Variants in UBXN7 observed in about 807,000 individuals in gnomAD.
The protein encoded by UBXN7 is UBX domain-containing protein 7.
Under a neutral mutation model 58.0 loss-of-function variants are expected in UBXN7, and 9 were observed. That is an observed-to-expected ratio of 0.16 (90% CI 0.09 to 0.27). The LOEUF (loss-of-function observed/expected upper bound fraction) is 0.27, where lower values mean the gene tolerates loss of function less well. Among genes scored for constraint, UBXN7 ranks in the 10% least tolerant of loss-of-function variants. The pLI, the probability that UBXN7 is intolerant of heterozygous loss-of-function variation, is 1.00. For synonymous variants in UBXN7, 208 were observed against 205.0 expected, an observed-to-expected ratio of 1.01 and a Z score of -0.12; for missense variants, 328 against 599.6, an observed-to-expected ratio of 0.55 and a Z score of 4.73.
rs1209587580 is a variant in UBXN7, at chr3:196,402,944, G to C, written c.289+8C>G. On this transcript the variant is annotated splice_region_variant and intron_variant, in intron 3 of 10. Transcript: ENST00000296328. ...TCAAATAAGGCTAAGGGAAAAAAGT[G>C]AACTTACCACCAAATAATGGTTCTG... is the stretch of plus-strand genomic sequence containing the variant. The C allele has an allele frequency of 6.3e-7, 1 of 1,591,696 alleles. No individual in the cohort carries two copies. Among genetic ancestry groups the C allele is most frequent in the South Asian group, 1.2e-5 (1 of 85,704 alleles).
intron 1 of UBXN7, among the ~76,000 whole-genome samples, chr3:196,415,768 G>A (rs868070596): frequency 1.6e-4 from 24 of 149,376 alleles, no homozygotes; most frequent in Admixed American, 2.0e-4. Context: ...GTGACAGAGC[G>A]AGACTTCATC....
In UBXN7 at chr3:196,356,553, T is replaced by C. The variant is rs780180814; in HGVS notation, c.*132A>G. Reference sequence around the variant, plus strand: ...ACTGATTATAGGAGAGATCAAGAAATAAGAGAAGGAAGGTGACTTGCTTGC... The same window carrying C: ...ACTGATTATAGGAGAGATCAAGAAACAAGAGAAGGAAGGTGACTTGCTTGC... On this transcript the variant is annotated 3_prime_UTR_variant, in exon 11 of 11. Coordinates refer to ENST00000296328, the MANE Select transcript of UBXN7 (RefSeq NM_015562.2). 127 of 927,310 alleles carry C rather than the reference T, an allele frequency of 1.4e-4. No individual in the cohort carries two copies. Among genetic ancestry groups the C allele is most frequent in the Non-Finnish European group, 2.0e-4 (125 of 624,992 alleles). 57.4% of individuals were successfully genotyped at this position (927,310 alleles called of 1,614,324 possible). A position where few individuals can be genotyped will look rare whatever the true frequency, so the allele number is the denominator to read the frequency against.
chr3:196,388,036 A>T (rs1487424881), intron 5 of UBXN7, among the ~76,000 whole-genome samples: 1 of 152,200 alleles, frequency 6.6e-6, no homozygotes, highest in East Asian at 1.9e-4. Context: ...AAGACTTGGA[A>T]CCAACCCAAA....
At chr3:196,380,882 C>T (rs1039496331) in intron 5 of UBXN7, among the ~76,000 whole-genome samples, 4 of 152,232 alleles carry the variant, frequency 2.6e-5, no homozygotes, top group Non-Finnish European at 4.4e-5. Context: ...TCACTGCCAG[C>T]GCAGCAGTCA....
chr3:196,387,816 G>A (rs1235857287), intron 5 of UBXN7, among the ~76,000 whole-genome samples: 2 of 152,172 alleles, frequency 1.3e-5, no homozygotes, highest in Non-Finnish European at 2.9e-5. Flanking sequence ...AGGATGTAGA[G>A]AAATAGGGAC....
intron 1 of UBXN7, 42 bp downstream of exon 1, chr3:196,432,285 T>G: frequency 6.2e-7 from 1 of 1,611,324 alleles, no homozygotes; most frequent in Non-Finnish European, 8.5e-7. Flanking sequence ...CGCTGCCCGC[T>G]CCGGACCCCA....
intron 1 of UBXN7, among the ~76,000 whole-genome samples, chr3:196,422,067 G>A (rs1730706243): frequency 6.6e-6 from 1 of 151,990 alleles, no homozygotes; most frequent in Admixed American, 6.6e-5. Flanking sequence ...AGGCAAGGTG[G>A]TGCACGCCTG....
intron 1 of UBXN7, among the ~76,000 whole-genome samples, chr3:196,418,536 T>C (rs1301074324): frequency 6.6e-6 from 1 of 152,072 alleles, no homozygotes; most frequent in Non-Finnish European, 1.5e-5. Context: ...CAAAAACCTA[T>C]TACACTAGAA....
chr3:196,358,500 C>T (rs1458388791), intron 10 of UBXN7, among the ~76,000 whole-genome samples: 1 of 152,144 alleles, frequency 6.6e-6, no homozygotes, highest in African/African-American at 2.4e-5. Flanking sequence ...CTTTGGGAGG[C>T]TGGGGAAGGA....
At chr3:196,383,769 G>A (rs1401539459) in intron 5 of UBXN7, among the ~76,000 whole-genome samples, 1 of 152,122 alleles carries the variant, frequency 6.6e-6, no homozygotes, top group East Asian at 1.9e-4. Context: ...AAGACACAAC[G>A]TAACAGAATC....
At chr3:196,415,534 T>C (rs1264890245) in intron 1 of UBXN7, among the ~76,000 whole-genome samples, 1 of 146,472 alleles carries the variant, frequency 6.8e-6, no homozygotes, top group Non-Finnish European at 1.5e-5. Context: ...CCCAGCACTT[T>C]CGGAGGCCGA....
At chr3:196,366,228 T>C (rs1577435499) in intron 8 of UBXN7, among the ~76,000 whole-genome samples, 1 of 152,170 alleles carries the variant, frequency 6.6e-6, no homozygotes, top group African/African-American at 2.4e-5. Flanking sequence ...AAACTATTTT[T>C]AGGCTGGGCA....
chr3:196,417,149 T>TA (rs1198040074), intron 1 of UBXN7, among the ~76,000 whole-genome samples: 1 of 152,054 alleles, frequency 6.6e-6, no homozygotes, highest in Non-Finnish European at 1.5e-5. Flanking sequence ...CCGTCTCTAC[T>TA]AAAAATACAA....
intron 5 of UBXN7, among the ~76,000 whole-genome samples, chr3:196,376,173 G>C (rs767482388): frequency 2.0e-5 from 3 of 152,014 alleles, no homozygotes; most frequent in African/African-American, 7.2e-5. Context: ...ATTTTTCCTT[G>C]TTCATTTTCT....
Position 196,354,065 on chromosome 3 carries a change from C to T in UBXN7, c.*2620G>A, listed in dbSNP as rs560745241. The T allele has an allele frequency of 5.9e-5, 9 of 152,280 alleles. No homozygotes were observed. The highest frequency in any genetic ancestry group is 1.9e-4 in the African/African-American group (8 of 41,552). The allele number at this position is 152,280 out of a possible 1,614,324, so 9.4% of individuals were successfully genotyped here. ...GATTAAATTCTTGAGCAAGGCAATA[C>T]TCCTTATGGATTCTTCCCATGTACA... is the stretch of plus-strand genomic sequence containing the variant. On this transcript the variant is annotated 3_prime_UTR_variant, in exon 11 of 11. Transcript: ENST00000296328.
intron 5 of UBXN7, among the ~76,000 whole-genome samples, chr3:196,372,448 T>G (rs1728870981): frequency 6.6e-6 from 1 of 151,642 alleles, no homozygotes; most frequent in Non-Finnish European, 1.5e-5. Context: ...TTCAAGTGAT[T>G]CTCCCGCCGC....
rs1434034432 is a variant in UBXN7 at position 196,352,952 on chromosome 3, C to CTTAT, written c.*3732_*3733insATAA. 6.6e-6 allele frequency: 1 copy of CTTAT among 152,092 alleles called. No homozygotes were observed. Among genetic ancestry groups the CTTAT allele is most frequent in the Non-Finnish European group, 1.5e-5 (1 of 68,010 alleles). 9.4% of individuals were successfully genotyped at this position (152,092 alleles called of 1,614,324 possible). A position where few individuals can be genotyped will look rare whatever the true frequency, so the allele number is the denominator to read the frequency against. ...TTTTACCCTTTTCATTTATTCTTGG[C>CTTAT]AAATAATGCCACGTGGCAATTTTAC... is the stretch of plus-strand genomic sequence containing the variant. On this transcript the variant is annotated 3_prime_UTR_variant, in exon 11 of 11. Transcript: ENST00000296328. The surrounding 1 kb of genome is among the most constrained non-coding windows in gnomAD (Gnocchi z 4.1).
In UBXN7 at chr3:196,377,078, G is replaced by A. The variant is rs562917944; in HGVS notation, c.469-5036C>T. 1.1e-3 allele frequency among the ~76,000 whole-genome samples: 170 copies of A among 150,512 alleles called. 1 individual carries two copies. The South Asian group carries it at 0.013, about 12-fold the overall frequency. On this transcript the variant is annotated intron_variant, in intron 5 of 10. Coordinates refer to ENST00000296328, the MANE Select transcript of UBXN7 (RefSeq NM_015562.2). ...AAAAAAAAAAGGAAGAAATATTACC[G>A]AAATTGTTCTGATTCTTTCTGTACA...
rs1553855155 is a variant in UBXN7 at position 196,424,410 on chromosome 3, T to TTA, written c.73+7916_73+7917insTA. On this transcript the variant is annotated intron_variant, in intron 1 of 10. Transcript: ENST00000296328. ...TTTTTTTTTTTTTTTTTTTTTTTTT[T>TTA]AAGAGACAAGGTCTCTCTCTGTCAC... is the stretch of plus-strand genomic sequence containing the variant. 3.2e-4 allele frequency among the ~76,000 whole-genome samples: 43 copies of TTA among 135,554 alleles called. 2 individuals are homozygous for TTA. Among genetic ancestry groups the TTA allele is most frequent in the African/African-American group, 9.8e-4 (36 of 36,794 alleles). 88.9% of individuals were successfully genotyped at this position (135,554 alleles called of 152,430 possible).
Sources: gnomAD v4.1 joint callset for allele counts (sites outside exome capture counted in the v4.1 genomes callset) on GRCh38, gnomAD v4.1.1 for gene constraint, Gnocchi (gnomAD v3.1) non-coding constraint, MANE v1.5 for transcripts, NCBI Gene and HGNC (gene_info 2026-07-23, HGNC 2026-07-21) for gene names.